Variants in IL10RA observed in about 807,000 individuals in gnomAD.
The protein encoded by IL10RA is interleukin-10 receptor subunit alpha.
A neutral mutation model predicts 29.6 loss-of-function variants in IL10RA; 18 were observed. The observed-to-expected ratio is 0.61, with a 90% confidence interval of 0.42 to 0.90. The LOEUF (loss-of-function observed/expected upper bound fraction) is 0.90, where lower values mean the gene tolerates loss of function less well. Among genes scored for constraint, IL10RA ranks in the 40% least tolerant of loss-of-function variants. The probability of loss-of-function intolerance (pLI) is 0.00; values close to 1 mark genes in which losing one functional copy is unlikely to be tolerated. For missense variants in IL10RA, 634 were observed against 716.6 expected, an observed-to-expected ratio of 0.88 and a Z score of 1.32; for synonymous variants, 292 against 294.1, an observed-to-expected ratio of 0.99 and a Z score of 0.07.
intron 6 of IL10RA, among the ~76,000 whole-genome samples, chr11:117,997,723 AGT>A (rs1202283970): frequency 6.6e-6 from 1 of 152,178 alleles, no homozygotes; most frequent in East Asian, 1.9e-4. Flanking sequence ...GGAGTAAGTG[AGT>A]GTGTGTATGG....
rs200115456 is a variant in IL10RA at position 117,988,376 on chromosome 11, C to T, written c.68-6C>T. Reference sequence around the variant, plus strand: ...CCAGCTGTGGTACTGACACTCTTCTCCCCAGGGACAGAGCTGCCCAGCCCT... The same window carrying T: ...CCAGCTGTGGTACTGACACTCTTCTTCCCAGGGACAGAGCTGCCCAGCCCT... On this transcript the variant is annotated splice_region_variant and splice_polypyrimidine_tract_variant and intron_variant, in intron 1 of 6. Coordinates refer to ENST00000227752, the MANE Select transcript of IL10RA (RefSeq NM_001558.4). 6 of 1,614,086 alleles carry T rather than the reference C, an allele frequency of 3.7e-6. No homozygotes were observed. The highest frequency in any genetic ancestry group is 5.1e-6 in the Non-Finnish European group (6 of 1,179,990).
intron 6 of IL10RA, among the ~76,000 whole-genome samples, chr11:117,996,279 G>A (rs1033509807): frequency 6.6e-6 from 1 of 152,124 alleles, no homozygotes; most frequent in Non-Finnish European, 1.5e-5. Flanking sequence ...CGCCACTGGA[G>A]AGGGGATGCT....
At position 117,993,253 on chromosome 11, in the gene IL10RA, T is replaced by A. The variant is rs780999339; in HGVS notation, c.380T>A (p.Val127Asp). The change falls in exon 4 of 7, where the codon GTT becomes GAT. Residue 127 changes from valine (V) to aspartate (D), a missense_variant. Physicochemically the swap from Val to Asp is radical, Grantham distance 152. Transcript: ENST00000227752. ...RFSVDEVTLT[V>D]GSVNLEIHNG... Reference sequence around the variant, plus strand: ...CAACTCCATTTAGTGACTCTGACAGTTGGCAGTGTGAACCTAGAGATCCAC... The same window carrying A: ...CAACTCCATTTAGTGACTCTGACAGATGGCAGTGTGAACCTAGAGATCCAC... 10 of 1,614,088 alleles carry A rather than the reference T, an allele frequency of 6.2e-6. No homozygotes were observed. Among genetic ancestry groups the A allele is most frequent in the Non-Finnish European group, 7.6e-6 (9 of 1,179,972 alleles).
Position 118,000,113 on chromosome 11 carries a change from G to C in IL10RA, c.*472G>C, listed in dbSNP as rs1421334546. ...GGAATGGAAGCTTCAGGGCCTTGCT[G>C]CTGGGGTCATTTTTAGGGGAAAAAG... On this transcript the variant is annotated 3_prime_UTR_variant, in exon 7 of 7. Coordinates refer to ENST00000227752, the MANE Select transcript of IL10RA (RefSeq NM_001558.4). 1 of 456,194 alleles carries C rather than the reference G, an allele frequency of 2.2e-6. No homozygotes were observed. The highest frequency in any genetic ancestry group is 2.3e-5 in the Admixed American group (1 of 42,618). The allele number at this position is 456,194 out of a possible 1,614,324, so 28.3% of individuals were successfully genotyped here. A position where few individuals can be genotyped will look rare whatever the true frequency, so the allele number is the denominator to read the frequency against.
Position 117,999,349 on chromosome 11 carries a change from T to C in IL10RA, c.1445T>C (p.Val482Ala). Residue 482 changes from valine to alanine, a missense_variant, in exon 7 of 7, where the codon GTT (valine) becomes GCT (alanine). By Grantham distance (64) the Val-to-Ala change is moderately conservative. Transcript: ENST00000227752. The stretch of plus-strand genomic sequence containing the variant: ...GGCCCCAAATTCGGGAGATGCCTGG[T>C]TGATGAGGCAGGCTTGCATCCACCA... ...GLGPKFGRCL[V>A]DEAGLHPPAL... 6.2e-7 allele frequency: 1 copy of C among 1,614,222 alleles called. No homozygotes were observed. The highest frequency in any genetic ancestry group is 8.5e-7 in the Non-Finnish European group (1 of 1,180,038).
chr11:117,997,823 G>C (rs1014024137), intron 6 of IL10RA, among the ~76,000 whole-genome samples: 1 of 152,192 alleles, frequency 6.6e-6, no homozygotes. Context: ...AGTGGCAGGA[G>C]TACTGCTTTA....
intron 5 of IL10RA, 163 bp from the exon 6 acceptor site, chr11:117,995,426 A>G (rs1290071278): frequency 2.4e-6 from 2 of 847,068 alleles, no homozygotes; most frequent in Non-Finnish European, 3.9e-6. Context: ...AGGGATTCGC[A>G]GAAACCTAGA....
Position 117,998,897 on chromosome 11 carries a change from A to G in IL10RA, c.993A>G (p.Glu331=). The G allele has an allele frequency of 6.2e-7, 1 of 1,614,196 alleles. No individual in the cohort carries two copies. The highest frequency in any genetic ancestry group is 8.5e-7 in the Non-Finnish European group (1 of 1,180,022). The change falls in exon 7 of 7, where the codon GAA becomes GAG. Residue 331 remains glutamate (E), a synonymous_variant. Transcript: ENST00000227752. ...FGSTKPSLQT[E]EPQFLLPDPH... Reference sequence around the variant, plus strand: ...GCACCAAGCCATCCCTGCAGACTGAAGAGCCCCAGTTCCTCCTCCCTGACC... The same window carrying G: ...GCACCAAGCCATCCCTGCAGACTGAGGAGCCCCAGTTCCTCCTCCCTGACC...
chr11:117,989,757 C>CT lies in IL10RA; in HGVS notation c.367+137_367+138insT. The CT allele has an allele frequency of 1.2e-6, 1 of 835,730 alleles. No individual in the cohort carries two copies. The allele number at this position is 835,730 out of a possible 1,614,324, so 51.8% of individuals were successfully genotyped here. On this transcript the variant is annotated intron_variant, in intron 3 of 6. Coordinates refer to ENST00000227752, the MANE Select transcript of IL10RA (RefSeq NM_001558.4). The surrounding 1 kb of genome is among the most constrained non-coding windows in gnomAD (Gnocchi z 4.5). ...CTGGCCGGAGAACTAGTTGCCCAAA[C>CT]AGGGCAGGACTTTGGAGAATGTTAG...
chr11:117,999,378 C>T lies in IL10RA; in HGVS notation c.1474C>T (p.Leu492=), dbSNP rs1401528735. The change falls in exon 7 of 7, where the codon CTG becomes TTG. Residue 492 remains leucine (L), a synonymous_variant. Transcript: ENST00000227752. ...VDEAGLHPPA[L]AKGYLKQDPL... is the part of the protein sequence containing the mutation. ...TGAGGCAGGCTTGCATCCACCAGCC[C>T]TGGCCAAGGGCTATTTGAAACAGGA... 1 of 1,614,084 alleles carries T rather than the reference C, an allele frequency of 6.2e-7. No homozygotes were observed. The highest frequency in any genetic ancestry group is 8.5e-7 in the Non-Finnish European group (1 of 1,180,052).
intron 2 of IL10RA, 100 bp downstream of exon 2, chr11:117,988,602 G>C: frequency 7.2e-7 from 1 of 1,383,490 alleles, no homozygotes; most frequent in Non-Finnish European, 1.0e-6. Context: ...AATGAAGTGA[G>C]TGCCTGAGGG....
At chr11:118,002,901 C>T (rs1158954048), downstream of IL10RA, 7 of 152,324 alleles carry the variant, frequency 4.6e-5, no homozygotes, top group Middle Eastern at 3.4e-3. Flanking sequence ...CCTTCAAGGG[C>T]TTTTCCAAGC....
chr11:117,989,123 G>C lies in IL10RA; in HGVS notation c.189-319G>C, dbSNP rs1440741756. Among the ~76,000 whole-genome samples the C allele has an allele frequency of 6.6e-6, 1 of 152,214 alleles. No homozygotes were observed. Among genetic ancestry groups the C allele is most frequent in the African/African-American group, 2.4e-5 (1 of 41,446 alleles). ...TCCACAGTACAGCCAGACAACAGGG[G>C]AACACTAATGACTGTAAAGGCAGTG... On this transcript the variant is annotated intron_variant, in intron 2 of 6. Transcript: ENST00000227752. This position sits in a 1 kb window ranked among gnomAD's most constrained non-coding sequence, Gnocchi z 4.5.
intron 3 of IL10RA, chr11:117,993,011 G>T: frequency 1.8e-6 from 1 of 551,826 alleles, no homozygotes; most frequent in Non-Finnish European, 3.3e-6. Flanking sequence ...TTTATTTCTG[G>T]GCTGTCCATC....
intron 1 of IL10RA, 77 bp from the exon 2 acceptor site, chr11:117,988,305 C>A (rs1339965819): frequency 3.3e-5 from 52 of 1,596,696 alleles, no homozygotes; most frequent in Non-Finnish European, 4.5e-5. Context: ...CTGAACCTCC[C>A]TTTCTTCTTT....
intron 6 of IL10RA, 46 bp from the exon 7 acceptor site, chr11:117,998,669 C>T: frequency 6.4e-7 from 1 of 1,573,698 alleles, no homozygotes; most frequent in Non-Finnish European, 8.7e-7. Context: ...GGGATGGGTG[C>T]TGGAAGGTGA....
Position 117,986,406 on chromosome 11 carries a change from A to C in IL10RA, c.-62A>C. 1 of 1,477,418 alleles carries C rather than the reference A, an allele frequency of 6.8e-7. No homozygotes were observed. The highest frequency in any genetic ancestry group is 9.2e-7 in the Non-Finnish European group (1 of 1,085,600). 91.5% of individuals were successfully genotyped at this position (1,477,418 alleles called of 1,614,324 possible). On this transcript the variant is annotated 5_prime_UTR_variant, in exon 1 of 7. Transcript: ENST00000227752. ...CGGCGGAGCTGTCAGTCCCAGCCCAAGGGTAGCTGGAGGCGCGCAGGCCGG... is the reference window on the plus strand; with the variant it reads ...CGGCGGAGCTGTCAGTCCCAGCCCACGGGTAGCTGGAGGCGCGCAGGCCGG...
chr11:117,989,696 G>A lies in IL10RA; in HGVS notation c.367+76G>A. On this transcript the variant is annotated intron_variant, in intron 3 of 6. Coordinates refer to ENST00000227752, the MANE Select transcript of IL10RA (RefSeq NM_001558.4). This position sits in a 1 kb window ranked among gnomAD's most constrained non-coding sequence, Gnocchi z 4.5. ...AGGAACTCTAGTCTAGAGCTTTTCT[G>A]TCTATTACCATAGCTCACCATGTCT... is the stretch of plus-strand genomic sequence containing the variant. 1 of 1,441,714 alleles carries A rather than the reference G, an allele frequency of 6.9e-7. No individual in the cohort carries two copies. The highest frequency in any genetic ancestry group is 1.4e-5 in the African/African-American group (1 of 71,478). 89.3% of individuals were successfully genotyped at this position (1,441,714 alleles called of 1,614,324 possible).
chr11:117,993,568 C>A lies in IL10RA; in HGVS notation c.537+158C>A, dbSNP rs994765061. On this transcript the variant is annotated intron_variant, in intron 4 of 6. Coordinates refer to ENST00000227752, the MANE Select transcript of IL10RA (RefSeq NM_001558.4). ...GAGGAGGGAGTAGAAACCACCTCAG[C>A]CCTCAGAGCTATGCTCTTGTGAGAT... Among the ~76,000 whole-genome samples, 7 of 152,308 alleles carry A rather than the reference C, an allele frequency of 4.6e-5. No individual in the cohort carries two copies. In the East Asian group the frequency reaches 1.4e-3, roughly 29 times the overall value.
Sources: allele counts gnomAD v4.1 joint callset (sites outside exome capture counted in the v4.1 genomes callset), GRCh38; gene constraint gnomAD v4.1.1; non-coding constraint Gnocchi (gnomAD v3.1); transcripts MANE v1.5; gene names NCBI Gene and HGNC (gene_info 2026-07-23, HGNC 2026-07-21).